The following GALNT13 variants were observed in gnomAD, a reference collection of about 807,000 sequenced individuals.
GALNT13 encodes the protein polypeptide N-acetylgalactosaminyltransferase 13.
A neutral mutation model predicts 64.2 loss-of-function variants in GALNT13; 28 were observed. The observed-to-expected ratio is 0.44, with a 90% confidence interval of 0.32 to 0.60. The LOEUF is 0.60. Among genes scored for constraint, GALNT13 ranks in the 20% least tolerant of loss-of-function variants. The pLI is 0.05. For synonymous variants in GALNT13, 214 were observed against 224.6 expected (o/e 0.95, Z 0.42); for missense variants, 577 against 669.8 (o/e 0.86, Z 1.53).
chr2:154,284,234 C>T (rs1692128679), intron 8 of GALNT13, among the ~76,000 whole-genome samples: 1 of 152,140 alleles, frequency 6.6e-6, no homozygotes, highest in African/African-American at 2.4e-5. Context: ...TCCAGTCTAA[C>T]TGAAGTTTTT....
chr2:153,436,930 T>G, the GALNT13 span, among the ~76,000 whole-genome samples: 9 of 152,332 alleles, frequency 5.9e-5, no homozygotes, highest in South Asian at 1.0e-3. Flanking sequence ...GGTGTCAATT[T>G]TGGATCTTTC....
At chr2:153,267,575 A>G in the GALNT13 span, among the ~76,000 whole-genome samples, 4 of 152,088 alleles carry the variant, frequency 2.6e-5, no homozygotes, top group Non-Finnish European at 5.9e-5. Context: ...GAGTGGCAGG[A>G]ACCCAAGGCA....
chr2:153,766,155 T>C, the GALNT13 span, among the ~76,000 whole-genome samples: 3 of 152,196 alleles, frequency 2.0e-5, no homozygotes, highest in African/African-American at 7.2e-5. Flanking sequence ...ATTTTTTTTT[T>C]TCCTTTAGCA....
the GALNT13 span, among the ~76,000 whole-genome samples, chr2:153,834,215 C>T: frequency 6.6e-6 from 1 of 152,060 alleles, no homozygotes; most frequent in Non-Finnish European, 1.5e-5. Context: ...TCTAGGGAAG[C>T]CCTACCACAG....
chr2:153,477,521 G>A, the GALNT13 span: 1 of 152,630 alleles, frequency 6.6e-6, no homozygotes, highest in African/African-American at 2.4e-5. Flanking sequence ...AAAAGACCCA[G>A]TGGGAAATGC....
the GALNT13 span, among the ~76,000 whole-genome samples, chr2:153,389,295 G>T: frequency 2.6e-5 from 4 of 151,946 alleles, no homozygotes; most frequent in African/African-American, 9.7e-5. Flanking sequence ...ATTTGAATAC[G>T]CTCATCAGTG....
chr2:154,348,977 T>G (rs1453106092), intron 9 of GALNT13, among the ~76,000 whole-genome samples: 1 of 152,236 alleles, frequency 6.6e-6, no homozygotes, highest in East Asian at 1.9e-4. Context: ...AACACTGAAA[T>G]TTCAAGATAA....
the GALNT13 span, among the ~76,000 whole-genome samples, chr2:153,713,151 A>T: frequency 5.3e-5 from 8 of 152,226 alleles, no homozygotes; most frequent in Non-Finnish European, 7.3e-5. Context: ...TATGTTAAAT[A>T]TTAGCTGGTA....
chr2:153,908,634 C>T (rs1688739142), intron 2 of GALNT13, among the ~76,000 whole-genome samples: 1 of 151,844 alleles, frequency 6.6e-6, no homozygotes, highest in Non-Finnish European at 1.5e-5. Flanking sequence ...CAAGCACACT[C>T]CCATTGAATA....
the GALNT13 span, among the ~76,000 whole-genome samples, chr2:153,220,852 A>C: frequency 6.6e-6 from 1 of 152,252 alleles, no homozygotes; most frequent in East Asian, 1.9e-4. Context: ...ATCCAGCTAT[A>C]TCAATGATCA....
At chr2:153,874,665 C>T (rs966230530) in intron 1 of GALNT13, among the ~76,000 whole-genome samples, 53 of 152,162 alleles carry the variant, frequency 3.5e-4, no homozygotes, top group African/African-American at 1.1e-3. Flanking sequence ...ACCAGGTATG[C>T]TAAGGAGCCT....
intron 3 of GALNT13, among the ~76,000 whole-genome samples, chr2:154,039,179 C>G (rs1698837755): frequency 1.3e-5 from 2 of 151,894 alleles, no homozygotes; most frequent in Non-Finnish European, 2.9e-5. Context: ...ATTAGTACAG[C>G]CATTATGGAA....
the GALNT13 span, among the ~76,000 whole-genome samples, chr2:153,099,496 G>A: frequency 0.19 from 28,674 of 152,000 alleles, 3,432 homozygotes; most frequent in Admixed American, 0.26. Flanking sequence ...TTTGTTATGC[G>A]TTCTGCTAAT....
chr2:153,939,193 C>G (rs1691162463), intron 2 of GALNT13, among the ~76,000 whole-genome samples: 1 of 152,082 alleles, frequency 6.6e-6, no homozygotes, highest in Admixed American at 6.6e-5. Context: ...GGTGATGTGA[C>G]ATTTGAGCAG....
At chr2:153,770,716 T>C in the GALNT13 span, among the ~76,000 whole-genome samples, 1 of 152,106 alleles carries the variant, frequency 6.6e-6, no homozygotes, top group East Asian at 1.9e-4. Context: ...CTGGGAGAAA[T>C]TTTCTATTGT....
intron 3 of GALNT13, among the ~76,000 whole-genome samples, chr2:154,057,367 A>G (rs1699945419): frequency 6.6e-6 from 1 of 152,186 alleles, no homozygotes; most frequent in Non-Finnish European, 1.5e-5. Flanking sequence ...GATTGGCAAT[A>G]TGAGTATAAC....
chr2:154,264,202 G>A (rs1452392516), intron 8 of GALNT13, among the ~76,000 whole-genome samples: 1 of 152,148 alleles, frequency 6.6e-6, no homozygotes, highest in African/African-American at 2.4e-5. Flanking sequence ...CTTCAGAAAA[G>A]GTTAGAGGTC....
At chr2:153,085,269 T>A in the GALNT13 span, among the ~76,000 whole-genome samples, 1 of 152,140 alleles carries the variant, frequency 6.6e-6, no homozygotes, top group African/African-American at 2.4e-5. Context: ...GAAATACCCA[T>A]TTTCTGAGGA....
intron 2 of GALNT13, among the ~76,000 whole-genome samples, chr2:153,931,103 G>GTGTGTC (rs1553456570): frequency 7.2e-6 from 1 of 137,972 alleles, no homozygotes; most frequent in East Asian, 2.0e-4. Flanking sequence ...GTGTGTGTGT[G>GTGTGTC]TCTATTGTGA....
Sources: allele counts gnomAD v4.1 joint callset (sites outside exome capture counted in the v4.1 genomes callset), GRCh38; gene constraint gnomAD v4.1.1; transcripts MANE v1.5; gene names NCBI Gene and HGNC (gene_info 2026-07-23, HGNC 2026-07-21).